TOLLIP: variants seen among roughly 807,000 people sequenced by gnomAD.
TOLLIP encodes toll interacting protein, also known as toll-interacting protein.
TOLLIP carries 16 observed loss-of-function variants against 33.5 expected under a neutral mutation model. The ratio of observed to expected loss-of-function variants is 0.48; its 90% CI spans 0.32 to 0.72. The LOEUF is 0.72. Among genes scored for constraint, TOLLIP ranks in the 30% least tolerant of loss-of-function variants. The probability of loss-of-function intolerance (pLI) is 0.03; values close to 1 mark genes in which losing one functional copy is unlikely to be tolerated. For missense variants in TOLLIP, 325 were observed against 396.6 expected (o/e 0.82, Z 1.53); for synonymous variants, 176 against 163.7 (o/e 1.07, Z -0.57).
At chr11:1,297,797 C>T (rs1454823498) in intron 1 of TOLLIP, among the ~76,000 whole-genome samples, 1 of 152,242 alleles carries the variant, frequency 6.6e-6, no homozygotes, top group East Asian at 1.9e-4. Context: ...GCCAGCCTCC[C>T]CCAGGCAGCC....
rs1863439187 is a variant in TOLLIP at position 1,279,919 on chromosome 11, G to A, written c.611-2666C>T. On this transcript the variant is annotated intron_variant, in intron 5 of 5. Transcript: ENST00000317204. ...GCTCCAGACGTCTCGCACCACAGTG[G>A]AAAGACATCCAAAGAGCAGGTGGGG... Among the ~76,000 whole-genome samples the A allele has an allele frequency of 2.0e-5, 3 of 152,204 alleles. No homozygotes were observed. The South Asian group carries it at 6.2e-4, about 32-fold the overall frequency.
At position 1,290,144 on chromosome 11, in the gene TOLLIP, G is replaced by T; in HGVS notation, c.366+83C>A. The T allele has an allele frequency of 6.9e-7, 1 of 1,449,186 alleles. No homozygotes were observed. The highest frequency in any genetic ancestry group is 9.5e-7 in the Non-Finnish European group (1 of 1,055,892). The allele number at this position is 1,449,186 out of a possible 1,614,324, so 89.8% of individuals were successfully genotyped here. On this transcript the variant is annotated intron_variant, in intron 3 of 5. Transcript: ENST00000317204. The surrounding 1 kb of genome is among the most constrained non-coding windows in gnomAD (Gnocchi z 4.9). ...CCACGCCTCGAAGCCAGCCAGGAAC[G>T]TGGCTGTGTTGGCAGGTGTGTCCCC...
intron 5 of TOLLIP, among the ~76,000 whole-genome samples, chr11:1,284,266 G>A (rs1023971781): frequency 3.3e-5 from 5 of 151,978 alleles, no homozygotes; most frequent in African/African-American, 7.2e-5. Flanking sequence ...CTGCTTCTGC[G>A]TTTCTGGCTC....
intron 1 of TOLLIP, among the ~76,000 whole-genome samples, chr11:1,305,495 T>C (rs901986540): frequency 8.5e-5 from 13 of 152,302 alleles, no homozygotes; most frequent in Non-Finnish European, 1.3e-4. Context: ...GGGAAAAGCA[T>C]CTCACTTGCC....
rs751456325 is a variant in TOLLIP, at chr11:1,276,181, C to T, written c.*858G>A. On this transcript the variant is annotated 3_prime_UTR_variant, in exon 6 of 6. Transcript: ENST00000317204. ...GGCTGGCAGTGCCACCACACCCTCTCGGAATCATGCACAGTGCTGCCTCTA... is the reference window on the plus strand; with the variant it reads ...GGCTGGCAGTGCCACCACACCCTCTTGGAATCATGCACAGTGCTGCCTCTA... 6 of 153,674 alleles carry T rather than the reference C, an allele frequency of 3.9e-5. No individual in the cohort carries two copies. The highest frequency in any genetic ancestry group is 7.2e-5 in the African/African-American group (3 of 41,484). 9.5% of individuals were successfully genotyped at this position (153,674 alleles called of 1,614,324 possible).
chr11:1,283,732 C>G, intron 5 of TOLLIP: 1 of 375,654 alleles, frequency 2.7e-6, no homozygotes, highest in Non-Finnish European at 5.3e-6. Context: ...TATCTGTCAT[C>G]TGAATGCTCT....
At position 1,288,780 on chromosome 11, in the gene TOLLIP, C is replaced by A. The variant is rs531827605; in HGVS notation, c.367-4G>T. 2.5e-6 allele frequency: 4 copies of A among 1,610,564 alleles called. No homozygotes were observed. Among genetic ancestry groups the A allele is most frequent in the East Asian group, 2.2e-5 (1 of 44,856 alleles). On this transcript the variant is annotated splice_region_variant and splice_polypyrimidine_tract_variant and intron_variant, in intron 3 of 5. Transcript: ENST00000317204. ...GGTCGTCCATGGAGAAGGCTCTCTG[C>A]GGGAGACAAGAGGGAGAGGCCCCAG...
intron 2 of TOLLIP, among the ~76,000 whole-genome samples, chr11:1,293,092 C>T (rs972388755): frequency 3.3e-5 from 5 of 152,024 alleles, no homozygotes; most frequent in African/African-American, 7.2e-5. Flanking sequence ...CTGAAGGTGG[C>T]GCCTGTGCTG....
At chr11:1,304,974 CG>C (rs1258662148) in intron 1 of TOLLIP, among the ~76,000 whole-genome samples, 1 of 152,078 alleles carries the variant, frequency 6.6e-6, no homozygotes, top group African/African-American at 2.4e-5. Flanking sequence ...TACGTGCTAT[CG>C]ATGGTGCACG....
intron 1 of TOLLIP, among the ~76,000 whole-genome samples, chr11:1,304,093 T>C (rs1864359756): frequency 6.7e-6 from 1 of 148,310 alleles, no homozygotes; most frequent in Non-Finnish European, 1.5e-5. Context: ...AGAAGCAGCG[T>C]ATTCAGAAGG....
intron 1 of TOLLIP, 52 bp downstream of exon 1, chr11:1,309,413 CG>C: frequency 8.8e-7 from 1 of 1,136,950 alleles, no homozygotes. Flanking sequence ...CCCAAGGCCC[CG>C]CCCGCAACCG....
At chr11:1,293,353 C>T (rs1320052761) in intron 2 of TOLLIP, among the ~76,000 whole-genome samples, 2 of 152,162 alleles carry the variant, frequency 1.3e-5, no homozygotes, top group Non-Finnish European at 2.9e-5. Context: ...CAGGCTGGGG[C>T]CAGCACATGG....
In TOLLIP at chr11:1,290,168, C is replaced by A; in HGVS notation, c.366+59G>T. 1 of 1,560,042 alleles carries A rather than the reference C, an allele frequency of 6.4e-7. No homozygotes were observed. Among genetic ancestry groups the A allele is most frequent in the Non-Finnish European group, 8.7e-7 (1 of 1,143,544 alleles). The stretch of plus-strand genomic sequence containing the variant: ...CGTGGCTGTGTTGGCAGGTGTGTCC[C>A]CACGGCAGCCACGCTCAGCCACGTG... On this transcript the variant is annotated intron_variant, in intron 3 of 5. Coordinates refer to ENST00000317204, the MANE Select transcript of TOLLIP (RefSeq NM_019009.4). This position sits in a 1 kb window ranked among gnomAD's most constrained non-coding sequence, Gnocchi z 4.9.
At chr11:1,288,881 G>T in intron 3 of TOLLIP, 105 bp from the exon 4 acceptor site, 1 of 1,305,342 alleles carries the variant, frequency 7.7e-7, no homozygotes, top group Non-Finnish European at 1.0e-6. Flanking sequence ...CTTATCTGTG[G>T]AACAGGGCTC....
At chr11:1,283,795 A>G (rs1863585199) in intron 5 of TOLLIP, among the ~76,000 whole-genome samples, 1 of 152,184 alleles carries the variant, frequency 6.6e-6, no homozygotes, top group Admixed American at 6.5e-5. Context: ...TGCACCCCCC[A>G]AAAAGACAGC....
rs977626768 is a variant in TOLLIP, at chr11:1,299,244, G to A, written c.34-3450C>T. ...AGACAGGAAGAGCAAGAGAGGAGAC[G>A]GAGACCAGGCTTCAGTCCTCCCCGT... is the stretch of plus-strand genomic sequence containing the variant. On this transcript the variant is annotated intron_variant, in intron 1 of 5. Coordinates refer to ENST00000317204, the MANE Select transcript of TOLLIP (RefSeq NM_019009.4). Among the ~76,000 whole-genome samples the A allele has an allele frequency of 3.9e-5, 6 of 152,226 alleles. No homozygotes were observed. The South Asian group carries it at 8.3e-4, about 21-fold the overall frequency.
chr11:1,281,718 C>T (rs3793966), intron 5 of TOLLIP, among the ~76,000 whole-genome samples: 74,101 of 152,196 alleles, frequency 0.49, 18,200 homozygotes, highest in South Asian at 0.53. Flanking sequence ...CCCGAAGCCA[C>T]GCAGCCAGCA....
chr11:1,294,154 C>T (rs1864036498), intron 2 of TOLLIP, among the ~76,000 whole-genome samples: 1 of 145,630 alleles, frequency 6.9e-6, no homozygotes, highest in Non-Finnish European at 1.5e-5. Context: ...CTACAAAAGC[C>T]CGCATGGCTC....
chr11:1,300,363 A>C (rs1864233583), intron 1 of TOLLIP, among the ~76,000 whole-genome samples: 1 of 152,228 alleles, frequency 6.6e-6, no homozygotes, highest in Non-Finnish European at 1.5e-5. Context: ...AAACCACTGC[A>C]GCGTACCTTT....
Sources: gnomAD v4.1 joint callset for allele counts (sites outside exome capture counted in the v4.1 genomes callset) on GRCh38, gnomAD v4.1.1 for gene constraint, Gnocchi (gnomAD v3.1) non-coding constraint, MANE v1.5 for transcripts, NCBI Gene and HGNC (gene_info 2026-07-23, HGNC 2026-07-21) for gene names.